PAQR8: variants seen among roughly 807,000 people sequenced by gnomAD.
The protein encoded by PAQR8 is membrane progestin receptor beta.
In PAQR8, 17 loss-of-function variants were observed where a neutral mutation model predicts 25.2. The ratio of observed to expected loss-of-function variants is 0.67; its 90% CI spans 0.46 to 1.01. The LOEUF (loss-of-function observed/expected upper bound fraction) is 1.01. Ranked by LOEUF, PAQR8 falls within the 50% of genes least tolerant of loss-of-function variation. The probability of loss-of-function intolerance (pLI) is 0.00; values close to 1 mark genes in which losing one functional copy is unlikely to be tolerated. For missense variants in PAQR8, 392 were observed against 448.4 expected (o/e 0.87, Z 1.14); for synonymous variants, 204 against 190.6 (o/e 1.07, Z -0.58).
intron 1 of PAQR8, among the ~76,000 whole-genome samples, chr6:52,402,523 A>C (rs894299038): frequency 6.6e-6 from 1 of 150,998 alleles, no homozygotes; most frequent in African/African-American, 2.4e-5. Flanking sequence ...AGGCTGAGGC[A>C]GGAGAATTGC....
chr6:52,367,040 A>G (rs1156830806), intron 1 of PAQR8, among the ~76,000 whole-genome samples: 1 of 152,188 alleles, frequency 6.6e-6, no homozygotes, highest in South Asian at 2.1e-4. Flanking sequence ...CACTGTGCCC[A>G]GCCTGGAGCT....
intron 1 of PAQR8, among the ~76,000 whole-genome samples, chr6:52,376,368 G>C (rs1464282793): frequency 1.3e-5 from 2 of 152,154 alleles, no homozygotes; most frequent in Non-Finnish European, 2.9e-5. Flanking sequence ...CTGCTTTCTG[G>C]GTGGTTAAGA....
At chr6:52,391,910 G>C (rs1763713107) in intron 1 of PAQR8, among the ~76,000 whole-genome samples, 1 of 152,188 alleles carries the variant, frequency 6.6e-6, no homozygotes, top group Non-Finnish European at 1.5e-5. Context: ...ATGAAGTGAT[G>C]TCACAGGATC....
At chr6:52,376,115 T>C (rs763217320) in intron 1 of PAQR8, among the ~76,000 whole-genome samples, 4 of 152,230 alleles carry the variant, frequency 2.6e-5, no homozygotes, top group Non-Finnish European at 2.9e-5. Context: ...TGCTGTCACA[T>C]AGTAGTTCTC....
intron 1 of PAQR8, among the ~76,000 whole-genome samples, chr6:52,369,758 A>C (rs781536702): frequency 1.3e-5 from 2 of 152,182 alleles, no homozygotes; most frequent in African/African-American, 4.8e-5. Flanking sequence ...CAAATTAGAA[A>C]ATTTATATTT....
At chr6:52,390,364 G>A (rs1174715886) in intron 1 of PAQR8, among the ~76,000 whole-genome samples, 1 of 152,158 alleles carries the variant, frequency 6.6e-6, no homozygotes, top group African/African-American at 2.4e-5. Flanking sequence ...GAGGAAATTT[G>A]CTCTGCTCAT....
chr6:52,384,025 G>A (rs922080712), intron 1 of PAQR8, among the ~76,000 whole-genome samples: 1 of 152,194 alleles, frequency 6.6e-6, no homozygotes, highest in African/African-American at 2.4e-5. Context: ...GTGAAAAAAA[G>A]GGACAGGTTT....
intron 1 of PAQR8, among the ~76,000 whole-genome samples, chr6:52,381,763 G>A (rs2113941102): frequency 6.6e-6 from 1 of 152,284 alleles, no homozygotes; most frequent in South Asian, 2.1e-4. Flanking sequence ...AACAAGAAAG[G>A]AGGAGAAATA....
intron 1 of PAQR8, among the ~76,000 whole-genome samples, chr6:52,387,404 C>G (rs1038029990): frequency 1.3e-5 from 2 of 152,192 alleles, no homozygotes; most frequent in African/African-American, 4.8e-5. Flanking sequence ...TCTGCCCATA[C>G]CTTATTGTTG....
rs1029141224 is a variant in PAQR8 at position 52,369,534 on chromosome 6, G to T, written c.-53+7285G>T. ...TTTTGACTCCAAGAGAATACCAAAAGGTTCAAAATAAATCCGTAGTCAGGA... is the reference window on the plus strand; with the variant it reads ...TTTTGACTCCAAGAGAATACCAAAATGTTCAAAATAAATCCGTAGTCAGGA... On this transcript the variant is annotated intron_variant, in intron 1 of 1. Transcript: ENST00000442253. Among the ~76,000 whole-genome samples, 7 of 152,296 alleles carry T rather than the reference G, an allele frequency of 4.6e-5. No individual in the cohort carries two copies. In the East Asian group the frequency reaches 1.4e-3, roughly 29 times the overall value.
chr6:52,366,070 G>GT (rs1763348396), intron 1 of PAQR8, among the ~76,000 whole-genome samples: 1 of 151,826 alleles, frequency 6.6e-6, no homozygotes, highest in African/African-American at 2.4e-5. Context: ...GCTCTGCTGT[G>GT]TTTTTTAAAC....
chr6:52,383,677 A>AC (rs1354561147), intron 1 of PAQR8, among the ~76,000 whole-genome samples: 1 of 148,556 alleles, frequency 6.7e-6, no homozygotes, highest in Admixed American at 6.8e-5. Flanking sequence ...AAAAAAAAAA[A>AC]CCAGGAATTC....
chr6:52,375,656 G>A (rs1352279463), intron 1 of PAQR8, among the ~76,000 whole-genome samples: 9 of 152,138 alleles, frequency 5.9e-5, no homozygotes, highest in African/African-American at 1.4e-4. Context: ...GGGACTACAG[G>A]TGCATGGCAC....
At chr6:52,377,564 GA>G (rs921956861) in intron 1 of PAQR8, among the ~76,000 whole-genome samples, 2 of 151,942 alleles carry the variant, frequency 1.3e-5, no homozygotes, top group African/African-American at 4.8e-5. Flanking sequence ...CCACTTTAGA[GA>G]AAAAAATATC....
intron 1 of PAQR8, among the ~76,000 whole-genome samples, chr6:52,364,083 G>GATTTTTTTT (rs1763322237): frequency 1.2e-5 from 1 of 84,268 alleles, no homozygotes; most frequent in African/African-American, 4.6e-5. Flanking sequence ...TGAAAGATAT[G>GATTTTTTTT]TTTTTTTTTT....
At chr6:52,377,310 G>A (rs886643017) in intron 1 of PAQR8, among the ~76,000 whole-genome samples, 1 of 151,764 alleles carries the variant, frequency 6.6e-6, no homozygotes, top group African/African-American at 2.4e-5. Flanking sequence ...GGCATTATTG[G>A]TACCAGAAGG....
chr6:52,392,090 A>G (rs1275460883), intron 1 of PAQR8, among the ~76,000 whole-genome samples: 1 of 152,118 alleles, frequency 6.6e-6, no homozygotes, highest in Non-Finnish European at 1.5e-5. Context: ...AAAATCACTT[A>G]GAGCACTTTG....
At chr6:52,368,937 G>C (rs1763386397) in intron 1 of PAQR8, among the ~76,000 whole-genome samples, 1 of 152,052 alleles carries the variant, frequency 6.6e-6, no homozygotes, top group Non-Finnish European at 1.5e-5. Context: ...GTTCTCTCGA[G>C]ATCTGATGGT....
At chr6:52,392,820 C>G (rs1376563590) in intron 1 of PAQR8, among the ~76,000 whole-genome samples, 1 of 152,088 alleles carries the variant, frequency 6.6e-6, no homozygotes, top group Non-Finnish European at 1.5e-5. Flanking sequence ...GCTAATAGAC[C>G]TATTTGGATT....
Sources: allele counts gnomAD v4.1 joint callset (sites outside exome capture counted in the v4.1 genomes callset), GRCh38; gene constraint gnomAD v4.1.1; transcripts MANE v1.5; gene names NCBI Gene and HGNC (gene_info 2026-07-23, HGNC 2026-07-21).